Variants in SIK3 observed in about 807,000 individuals in gnomAD.
SIK3 encodes SIK family kinase 3, also known as serine/threonine-protein kinase SIK3.
SIK3 carries 28 observed loss-of-function variants against 144.2 expected under a neutral mutation model. The observed-to-expected ratio is 0.19, with a 90% CI of 0.14 to 0.27. The LOEUF (loss-of-function observed/expected upper bound fraction) is 0.27, where lower values mean the gene tolerates loss of function less well. Among genes scored for constraint, SIK3 ranks in the 10% least tolerant of loss-of-function variants. The pLI, the probability that SIK3 is intolerant of heterozygous loss-of-function variation, is 1.00. For missense variants in SIK3, 1,319 were observed against 1,776.0 expected (o/e 0.74, Z 4.62); for synonymous variants, 686 against 676.3 (o/e 1.01, Z -0.22).
chr11:117,002,303 T>G lies in SIK3; in HGVS notation c.274-45239A>C, dbSNP rs544482422. 2.4e-4 allele frequency among the ~76,000 whole-genome samples: 37 copies of G among 152,346 alleles called. No individual in the cohort carries two copies. The East Asian group carries it at 7.1e-3, about 29-fold the overall frequency. ...ATTATCACACTTTTTTGCAATTTTT[T>G]TTTTTTAGCTCATCAGCTATTGTTA... On this transcript the variant is annotated intron_variant, in intron 1 of 24. Coordinates refer to ENST00000445177, the MANE Select transcript of SIK3 (RefSeq NM_001366686.3).
intron 4 of SIK3, among the ~76,000 whole-genome samples, chr11:116,924,421 T>C (rs1362477208): frequency 6.6e-6 from 1 of 152,072 alleles, no homozygotes; most frequent in Non-Finnish European, 1.5e-5. Context: ...AAAATAAAAC[T>C]AGAGAATATA....
chr11:116,897,026 CAAAAA>C (rs5795057), intron 5 of SIK3, among the ~76,000 whole-genome samples, 162 bp downstream of exon 5: 4 of 102,718 alleles, frequency 3.9e-5, no homozygotes, highest in Admixed American at 9.8e-5. Flanking sequence ...GACTCTGTTT[CAAAAA>C]AAAAAAAAAA....
At chr11:117,038,437 GC>G in intron 1 of SIK3, among the ~76,000 whole-genome samples, 2 of 149,618 alleles carry the variant, frequency 1.3e-5, no homozygotes, top group Non-Finnish European at 3.0e-5. Context: ...GCTCACCACA[GC>G]CTCTGCCTCC....
intron 3 of SIK3, among the ~76,000 whole-genome samples, chr11:116,928,076 A>G (rs1947381116): frequency 6.6e-6 from 1 of 152,236 alleles, no homozygotes; most frequent in Admixed American, 6.5e-5. Flanking sequence ...CAACTCAAAT[A>G]AAATCATTTC....
intron 6 of SIK3, among the ~76,000 whole-genome samples, chr11:116,882,839 G>A (rs1430875640): frequency 6.6e-6 from 1 of 152,120 alleles, no homozygotes; most frequent in Non-Finnish European, 1.5e-5. Context: ...TCTTAGTAAT[G>A]AATTGCTTCT....
At chr11:116,861,983 G>A (rs1943359593) in intron 17 of SIK3, 57 bp from the exon 18 acceptor site, 1 of 1,357,412 alleles carries the variant, frequency 7.4e-7, no homozygotes. Context: ...ATTACTCAGA[G>A]CTATTCTCAG....
intron 1 of SIK3, among the ~76,000 whole-genome samples, chr11:116,996,206 G>T (rs759917972): frequency 6.6e-6 from 1 of 152,074 alleles, no homozygotes; most frequent in Non-Finnish European, 1.5e-5. Context: ...TATTCGGGAG[G>T]CTGAGGCATG....
intron 3 of SIK3, among the ~76,000 whole-genome samples, chr11:116,935,607 C>CAAT: frequency 6.6e-6 from 1 of 152,246 alleles, no homozygotes; most frequent in East Asian, 1.9e-4. Context: ...AAATGTTATT[C>CAAT]AAGTTTTCTC....
chr11:117,001,592 G>C (rs1033717755), intron 1 of SIK3, among the ~76,000 whole-genome samples: 4 of 152,142 alleles, frequency 2.6e-5, no homozygotes, highest in Admixed American at 2.6e-4. Flanking sequence ...GCTGAGACAA[G>C]AGAATCACAA....
At chr11:116,988,591 G>A (rs531442819) in intron 1 of SIK3, among the ~76,000 whole-genome samples, 15 of 151,862 alleles carry the variant, frequency 9.9e-5, no homozygotes, top group African/African-American at 3.6e-4. Context: ...GACCAGCCTA[G>A]GCAACACAGC....
chr11:116,975,779 A>C (rs180909982), intron 1 of SIK3, among the ~76,000 whole-genome samples: 1 of 152,362 alleles, frequency 6.6e-6, no homozygotes, highest in Non-Finnish European at 1.5e-5. Context: ...TTGGAACATT[A>C]AACATTTTGA....
At chr11:116,878,397 T>A (rs11216171) in intron 6 of SIK3, among the ~76,000 whole-genome samples, 90,814 of 149,002 alleles carry the variant, frequency 0.61, 30,668 homozygotes, top group Non-Finnish European at 0.78. Flanking sequence ...TTTTTTTTTT[T>A]ACATAGAGTC....
At chr11:116,854,251 G>A (rs940129606) in intron 21 of SIK3, among the ~76,000 whole-genome samples, 2 of 152,116 alleles carry the variant, frequency 1.3e-5, no homozygotes, top group African/African-American at 4.8e-5. Flanking sequence ...AGTCCCAGCT[G>A]CTCAGGAGGT....
intron 1 of SIK3, among the ~76,000 whole-genome samples, chr11:117,013,967 C>CTTTTTT (rs1951406146): frequency 3.8e-3 from 28 of 7,354 alleles, no homozygotes; most frequent in Non-Finnish European, 7.3e-3. Context: ...TTCTTTTTTT[C>CTTTTTT]TTTTCTTTTT....
intron 1 of SIK3, among the ~76,000 whole-genome samples, chr11:116,980,260 T>C (rs1221553616): frequency 6.6e-6 from 1 of 152,152 alleles, no homozygotes; most frequent in African/African-American, 2.4e-5. Context: ...AAAATCATCT[T>C]ACAGGGGTGT....
intron 1 of SIK3, among the ~76,000 whole-genome samples, chr11:117,073,382 A>G (rs1313923391): frequency 6.6e-6 from 1 of 152,194 alleles, no homozygotes; most frequent in African/African-American, 2.4e-5. Context: ...TGTGATTAGA[A>G]TTCTACTGTC....
chr11:116,922,907 C>CTTTTTTT (rs202058609), intron 4 of SIK3, among the ~76,000 whole-genome samples: 141 of 102,160 alleles, frequency 1.4e-3, no homozygotes, highest in Non-Finnish European at 2.0e-3. Context: ...TTTCTTTTCT[C>CTTTTTTT]TTTTTTTTTT....
intron 1 of SIK3, among the ~76,000 whole-genome samples, chr11:116,997,446 T>C (rs1440070899): frequency 1.3e-5 from 2 of 152,262 alleles, no homozygotes; most frequent in African/African-American, 4.8e-5. Flanking sequence ...TACCGTATTC[T>C]ATATCAAAAC....
intron 4 of SIK3, among the ~76,000 whole-genome samples, chr11:116,902,921 A>G (rs555215578): frequency 3.9e-5 from 6 of 152,142 alleles, no homozygotes; most frequent in Non-Finnish European, 5.9e-5. Flanking sequence ...CAATATACAT[A>G]TTATTATAAA....
Sources: allele counts gnomAD v4.1 joint callset (sites outside exome capture counted in the v4.1 genomes callset), GRCh38; gene constraint gnomAD v4.1.1; transcripts MANE v1.5; gene names NCBI Gene and HGNC (gene_info 2026-07-23, HGNC 2026-07-21).